DENND6A: variants seen among roughly 807,000 people sequenced by gnomAD.
DENND6A encodes protein DENND6A.
Under a neutral mutation model 95.5 loss-of-function variants are expected in DENND6A, and 43 were observed. The ratio of observed to expected loss-of-function variants is 0.45; its 90% CI spans 0.35 to 0.58. The LOEUF (loss-of-function observed/expected upper bound fraction) is 0.58. Ranked by LOEUF, DENND6A falls within the 20% of genes least tolerant of loss-of-function variation. DENND6A has a pLI of 0.00. For synonymous variants in DENND6A, 257 were observed against 260.4 expected, an observed-to-expected ratio of 0.99 and a Z score of 0.13; for missense variants, 574 against 736.0, an observed-to-expected ratio of 0.78 and a Z score of 2.55.
At chr3:57,667,911 T>TA (rs1271705292) in intron 3 of DENND6A, among the ~76,000 whole-genome samples, 1 of 151,756 alleles carries the variant, frequency 6.6e-6, no homozygotes, top group Non-Finnish European at 1.5e-5. Context: ...ACTAAAAATA[T>TA]AAAAATTAGC....
Position 57,628,032 on chromosome 3 carries a change from A to G in DENND6A, c.*182T>C. On this transcript the variant is annotated 3_prime_UTR_variant, in exon 20 of 20. Coordinates refer to ENST00000311128, the MANE Select transcript of DENND6A (RefSeq NM_152678.3). ...TAAAGTGGAACCACCACAGATATCCACTTTAAAAAGTAATGCACTAAAAAG... is the reference window on the plus strand; with the variant it reads ...TAAAGTGGAACCACCACAGATATCCGCTTTAAAAAGTAATGCACTAAAAAG... 1 of 738,218 alleles carries G rather than the reference A, an allele frequency of 1.4e-6. No individual in the cohort carries two copies. Among genetic ancestry groups the G allele is most frequent in the Non-Finnish European group, 2.0e-6 (1 of 491,698 alleles). 45.7% of individuals were successfully genotyped at this position (738,218 alleles called of 1,614,324 possible). A position where few individuals can be genotyped will look rare whatever the true frequency, so the allele number is the denominator to read the frequency against.
At chr3:57,679,578 CA>C in intron 1 of DENND6A, 1 of 985,180 alleles carries the variant, frequency 1.0e-6, no homozygotes, top group African/African-American at 1.7e-5. Context: ...GTACTGGTAC[CA>C]AAACCATGTT....
At chr3:57,655,595 AT>A (rs999851303) in intron 9 of DENND6A, among the ~76,000 whole-genome samples, 16 of 152,342 alleles carry the variant, frequency 1.1e-4, no homozygotes, top group Admixed American at 9.2e-4. Flanking sequence ...TGCAATCAAA[AT>A]TTAGTTGCAT....
chr3:57,659,303 T>C, intron 7 of DENND6A, 123 bp from the exon 8 acceptor site: 2 of 958,014 alleles, frequency 2.1e-6, no homozygotes, highest in Middle Eastern at 2.1e-4. Context: ...AAATTATCTA[T>C]GTCAGAGTTA....
intron 5 of DENND6A, among the ~76,000 whole-genome samples, chr3:57,661,901 G>A (rs2071429429): frequency 6.6e-6 from 1 of 152,116 alleles, no homozygotes; most frequent in Admixed American, 6.5e-5. Context: ...TAAAGAAAGA[G>A]TAAATTTTGA....
chr3:57,687,838 CAG>C (rs2077224855), intron 1 of DENND6A, among the ~76,000 whole-genome samples: 1 of 149,374 alleles, frequency 6.7e-6, no homozygotes, highest in Admixed American at 6.8e-5. Flanking sequence ...GAAGCTGAGA[CAG>C]AAGGATCACC....
chr3:57,635,130 C>CT (rs2070764029), intron 12 of DENND6A, among the ~76,000 whole-genome samples: 1 of 152,166 alleles, frequency 6.6e-6, no homozygotes, highest in African/African-American at 2.4e-5. Context: ...ATAAAATACC[C>CT]TTTAAGTATA....
At position 57,628,841 on chromosome 3, in the gene DENND6A, T is replaced by C. The variant is rs765472372; in HGVS notation, c.1665A>G (p.Val555=). 1.2e-6 allele frequency: 2 copies of C among 1,613,114 alleles called. No homozygotes were observed. Among genetic ancestry groups the C allele is most frequent in the South Asian group, 2.2e-5 (2 of 90,844 alleles). The change falls in exon 19 of 20, where the codon GTA becomes GTG. Residue 555 remains valine, a synonymous_variant. Transcript: ENST00000311128. ...TATTTTTCAGCTTCAAGACAAGGTC[T>C]ACTGTTTCTACTTCTGTGTGTTTCT... is the stretch of plus-strand genomic sequence containing the variant. ...WIQKHTEVET[V]DLVLKLKNKL... is the part of the protein sequence containing the mutation.
chr3:57,643,301 G>A (rs111649888), intron 11 of DENND6A, among the ~76,000 whole-genome samples: 80 of 152,194 alleles, frequency 5.3e-4, no homozygotes, highest in African/African-American at 1.8e-3. Context: ...AGAGGTATGA[G>A]ATTAGGGGAG....
chr3:57,666,490 C>T (rs1051893551), intron 3 of DENND6A, among the ~76,000 whole-genome samples: 1 of 152,158 alleles, frequency 6.6e-6, no homozygotes, highest in Non-Finnish European at 1.5e-5. Flanking sequence ...CCATATCCCT[C>T]ATGTAATTAA....
At chr3:57,692,680 C>A (rs574280981) in intron 1 of DENND6A, 102 bp downstream of exon 1, 21 of 1,116,882 alleles carry the variant, frequency 1.9e-5, no homozygotes, top group South Asian at 1.9e-5. Context: ...CCGGATGCGC[C>A]GCGGACAGGG....
At chr3:57,660,448 T>C (rs775604835) in intron 7 of DENND6A, among the ~76,000 whole-genome samples, 2 of 152,176 alleles carry the variant, frequency 1.3e-5, no homozygotes, top group Non-Finnish European at 2.9e-5. Flanking sequence ...CCCAAAGTGC[T>C]CACAGGTGTG....
At chr3:57,638,044 G>A (rs1424147201) in intron 12 of DENND6A, among the ~76,000 whole-genome samples, 1 of 151,850 alleles carries the variant, frequency 6.6e-6, no homozygotes, top group East Asian at 1.9e-4. Context: ...TGAGACAGGA[G>A]AATCACTTGA....
chr3:57,681,781 G>A (rs554803519), intron 1 of DENND6A, among the ~76,000 whole-genome samples: 8 of 152,204 alleles, frequency 5.3e-5, no homozygotes, highest in East Asian at 3.9e-4. Context: ...ATGGATGAAC[G>A]TATATGATTC....
chr3:57,641,405 A>G (rs1033691287), intron 12 of DENND6A, among the ~76,000 whole-genome samples: 2 of 147,098 alleles, frequency 1.4e-5, no homozygotes, highest in South Asian at 2.1e-4. Flanking sequence ...CTATAATTCT[A>G]TAAGTGTTAT....
At chr3:57,670,483 A>G (rs80113736) in intron 3 of DENND6A, among the ~76,000 whole-genome samples, 3,979 of 152,318 alleles carry the variant, frequency 0.026, 175 homozygotes, top group African/African-American at 0.09. Flanking sequence ...ATTTATGCAG[A>G]ATTAAGCTGG....
rs182538948 is a variant in DENND6A, at chr3:57,654,963, T to C, written c.818+2717A>G. On this transcript the variant is annotated intron_variant, in intron 9 of 19. Transcript: ENST00000311128. ...ATTAATCTAATCATTAGATATTAAA[T>C]GCTTGATATAATACTATCACTGTGT... The C allele has an allele frequency of 1.0e-3, 246 of 242,348 alleles. 3 individuals are homozygous for C. The highest frequency in any genetic ancestry group is 5.3e-3 in the African/African-American group (229 of 43,178). The allele number at this position is 242,348 out of a possible 1,614,324, so 15.0% of individuals were successfully genotyped here.
At chr3:57,655,615 T>C (rs2071309079) in intron 9 of DENND6A, among the ~76,000 whole-genome samples, 1 of 152,164 alleles carries the variant, frequency 6.6e-6, no homozygotes, top group East Asian at 1.9e-4. Context: ...ATGCACAAAA[T>C]CATTAAAAAT....
At chr3:57,649,979 A>G (rs2071168394) in intron 9 of DENND6A, among the ~76,000 whole-genome samples, 1 of 151,920 alleles carries the variant, frequency 6.6e-6, no homozygotes, top group Non-Finnish European at 1.5e-5. Context: ...GGAATGAAAT[A>G]AAGGCATTCA....
Sources: gnomAD v4.1 joint callset for allele counts (sites outside exome capture counted in the v4.1 genomes callset) on GRCh38, gnomAD v4.1.1 for gene constraint, MANE v1.5 for transcripts, NCBI Gene and HGNC (gene_info 2026-07-23, HGNC 2026-07-21) for gene names.